Variants in DRC7 observed in about 807,000 individuals in gnomAD.
DRC7 encodes the protein dynein regulatory complex subunit 7.
Under a neutral mutation model 104.4 loss-of-function variants are expected in DRC7, and 80 were observed. That is an observed-to-expected ratio of 0.77 (90% CI 0.64 to 0.92). The LOEUF is 0.92. Among genes scored for constraint, DRC7 ranks in the 40% least tolerant of loss-of-function variants. DRC7 has a pLI of 0.00. For synonymous variants in DRC7, 405 were observed against 447.3 expected, an observed-to-expected ratio of 0.91 and a Z score of 1.19; for missense variants, 1,034 against 1,141.1, an observed-to-expected ratio of 0.91 and a Z score of 1.35.
rs369139370 is a variant in DRC7 at position 57,727,361 on chromosome 16, C to A, written c.2148C>A (p.Ile716=). The change falls in exon 16 of 19, where the codon ATC becomes ATA. Residue 716 remains isoleucine, a synonymous_variant. Coordinates refer to ENST00000360716, the MANE Select transcript of DRC7 (RefSeq NM_001289162.2). ...CGGCGCACACACTGACCATCTCCAT[C>A]TATGACACCAAGCGGAATGAGAAGA... ...EEAAHTLTIS[I]YDTKRNEKSK... 81 of 1,613,382 alleles carry A rather than the reference C, an allele frequency of 5.0e-5. No individual in the cohort carries two copies. The highest frequency in any genetic ancestry group is 6.5e-5 in the Non-Finnish European group (77 of 1,179,916).
intron 17 of DRC7, among the ~76,000 whole-genome samples, chr16:57,729,135 TG>T (rs2049013445): frequency 7.7e-6 from 1 of 130,364 alleles, no homozygotes; most frequent in African/African-American, 3.3e-5. Flanking sequence ...GGTAGATGGA[TG>T]AATGGATGGA....
At chr16:57,717,698 CAA>C (rs1183611128) in intron 8 of DRC7, among the ~76,000 whole-genome samples, 3 of 130,022 alleles carry the variant, frequency 2.3e-5, no homozygotes, top group Non-Finnish European at 3.3e-5. Context: ...GACTCTGTCT[CAA>C]AAAAAAAAAA....
chr16:57,721,886 C>G, intron 10 of DRC7, 147 bp downstream of exon 10: 1 of 610,866 alleles, frequency 1.6e-6, no homozygotes, highest in Middle Eastern at 3.9e-4. Flanking sequence ...CACCCTCCCT[C>G]CCTCCCTCCC....
intron 6 of DRC7, 49 bp downstream of exon 6, chr16:57,702,179 C>G: frequency 6.3e-7 from 1 of 1,589,234 alleles, no homozygotes; most frequent in Non-Finnish European, 8.6e-7. Context: ...TGAACATTCC[C>G]GGTGCTGTCG....
intron 8 of DRC7, among the ~76,000 whole-genome samples, chr16:57,715,388 ATAAATAAG>A (rs2048831764): frequency 6.6e-6 from 1 of 152,176 alleles, no homozygotes; most frequent in Non-Finnish European, 1.5e-5. Context: ...TGGGGAATGA[ATAAATAAG>A]TAAATAAGTG....
At chr16:57,698,252 G>A in intron 3 of DRC7, 100 bp downstream of exon 3, 1 of 1,545,890 alleles carries the variant, frequency 6.5e-7, no homozygotes, top group South Asian at 1.2e-5. Flanking sequence ...GGGTGACCAG[G>A]AGATAGAGGG....
At chr16:57,707,250 C>T (rs2148744479) in intron 7 of DRC7, among the ~76,000 whole-genome samples, 1 of 152,288 alleles carries the variant, frequency 6.6e-6, no homozygotes, top group Middle Eastern at 3.4e-3. Context: ...AACCACAGAT[C>T]TAGTCAGACT....
In DRC7 at chr16:57,722,919, C is replaced by T. The variant is rs3809610; in HGVS notation, c.1408+78C>T. ...GCTTCTACTCTCTCTGGGGTCATTG[C>T]TGGCCTCTGTGTGCCTGGAATAAGG... is the stretch of plus-strand genomic sequence containing the variant. On this transcript the variant is annotated intron_variant, in intron 11 of 18. Transcript: ENST00000360716. 5.5e-3 allele frequency: 8,828 copies of T among 1,612,348 alleles called. 450 individuals carry two copies. The East Asian group carries it at 0.12, about 22-fold the overall frequency.
chr16:57,724,322 A>AG (rs2048938844), intron 12 of DRC7, among the ~76,000 whole-genome samples: 1 of 151,920 alleles, frequency 6.6e-6, no homozygotes, highest in Admixed American at 6.6e-5. Flanking sequence ...AAAAAAAAAA[A>AG]AAAAAAAAGT....
At chr16:57,697,210 GC>G (rs1356460655) in intron 2 of DRC7, among the ~76,000 whole-genome samples, 93 of 151,086 alleles carry the variant, frequency 6.2e-4, no homozygotes, top group African/African-American at 2.2e-3. Context: ...ACCGCACCCA[GC>G]CAATTCATTT....
intron 8 of DRC7, chr16:57,714,934 T>A (rs2048826090): frequency 3.1e-6 from 1 of 318,154 alleles, no homozygotes; most frequent in Non-Finnish European, 6.2e-6. Context: ...GAAGACTTGT[T>A]GTGACCTGAG....
chr16:57,731,265 T>C lies in DRC7; in HGVS notation c.*7T>C. ...CCAGAAAATATTCGCTTGATGTCCC[T>C]CCTGGGGCCTCAGCCAGAGCTGCCA... On this transcript the variant is annotated 3_prime_UTR_variant, in exon 19 of 19. Coordinates refer to ENST00000360716, the MANE Select transcript of DRC7 (RefSeq NM_001289162.2). 6.2e-7 allele frequency: 1 copy of C among 1,607,526 alleles called. No homozygotes were observed. Among genetic ancestry groups the C allele is most frequent in the Non-Finnish European group, 8.5e-7 (1 of 1,174,706 alleles).
intron 3 of DRC7, 106 bp from the exon 4 acceptor site, chr16:57,698,744 C>T (rs946567947): frequency 7.8e-6 from 8 of 1,024,178 alleles, no homozygotes; most frequent in East Asian, 4.8e-5. Context: ...TCTCAGTAGC[C>T]GTGAGGATTA....
At chr16:57,701,083 T>C (rs937039515) in intron 5 of DRC7, among the ~76,000 whole-genome samples, 1 of 152,028 alleles carries the variant, frequency 6.6e-6, no homozygotes, top group African/African-American at 2.4e-5. Flanking sequence ...TTGGTTTGAG[T>C]GAGGGCAACT....
Position 57,727,350 on chromosome 16 carries a change from A to C in DRC7, c.2137A>C (p.Thr713Pro). Residue 713 changes from threonine to proline, a missense_variant, in exon 16 of 19, where the codon ACC becomes CCC. Coordinates refer to ENST00000360716, the MANE Select transcript of DRC7 (RefSeq NM_001289162.2). ...REEEEAAHTL[T>P]ISIYDTKRNE... ...GGAAGAGGAGGCGGCGCACACACTGACCATCTCCATCTATGACACCAAGCG... is the reference window on the plus strand; with the variant it reads ...GGAAGAGGAGGCGGCGCACACACTGCCCATCTCCATCTATGACACCAAGCG... The C allele has an allele frequency of 6.2e-7, 1 of 1,613,402 alleles. No homozygotes were observed. The highest frequency in any genetic ancestry group is 2.2e-5 in the East Asian group (1 of 44,852).
chr16:57,715,432 C>T (rs186657048), intron 8 of DRC7, among the ~76,000 whole-genome samples: 36 of 152,250 alleles, frequency 2.4e-4, no homozygotes, highest in Non-Finnish European at 3.2e-4. Context: ...CCAGCCCCTG[C>T]GGGAGACAGG....
At chr16:57,721,511 C>T (rs142533023) in intron 9 of DRC7, among the ~76,000 whole-genome samples, 156 bp from the exon 10 acceptor site, 1 of 152,242 alleles carries the variant, frequency 6.6e-6, no homozygotes, top group African/African-American at 2.4e-5. Flanking sequence ...TCCTCCTTTT[C>T]CACATCATGG....
In DRC7 at chr16:57,705,023, G is replaced by T; in HGVS notation, c.847G>T (p.Glu283Ter). The T allele has an allele frequency of 6.2e-7, 1 of 1,612,150 alleles. No homozygotes were observed. The highest frequency in any genetic ancestry group is 8.5e-7 in the Non-Finnish European group (1 of 1,179,784). Residue 283 changes from glutamate (E) to a stop codon, truncating the protein, a stop_gained, in exon 7 of 19, where the codon GAG (glutamate) becomes TAG (stop). Coordinates refer to ENST00000360716, the MANE Select transcript of DRC7 (RefSeq NM_001289162.2). LOFTEE classifies it high-confidence loss of function. The part of the protein sequence containing the change: ...QEKKRLREEE[E>*]RLMEAEKAKP... ...GAAGAAGCGGCTGAGGGAGGAGGAG[G>T]AGCGCCTCATGGTGGGTCCTCAGCC...
chr16:57,700,297 C>G, intron 5 of DRC7, 27 bp downstream of exon 5: 1 of 1,603,122 alleles, frequency 6.2e-7, no homozygotes, highest in South Asian at 1.1e-5. Flanking sequence ...GGCTGCATGC[C>G]TGAGCCCACC....
Sources: gnomAD v4.1 joint callset for allele counts (sites outside exome capture counted in the v4.1 genomes callset) on GRCh38, gnomAD v4.1.1 for gene constraint, MANE v1.5 for transcripts, NCBI Gene and HGNC (gene_info 2026-07-23, HGNC 2026-07-21) for gene names.